WASHC1: variants seen among roughly 807,000 people sequenced by gnomAD.
WASHC1 encodes WASH complex subunit 1.
WASHC1 carries 11 observed loss-of-function variants against 26.1 expected under a neutral mutation model. That is an observed-to-expected ratio of 0.42 (90% CI 0.27 to 0.70). WASHC1 has a LOEUF of 0.70. WASHC1 is among the 30% of genes least tolerant of loss of function. The pLI, the probability that WASHC1 is intolerant of heterozygous loss-of-function variation, is 0.24. For synonymous variants in WASHC1, 37 were observed against 126.6 expected, an observed-to-expected ratio of 0.29 and a Z score of 4.75; for missense variants, 96 against 304.9, an observed-to-expected ratio of 0.31 and a Z score of 5.10.
chr9:23,613 G>A (rs1240814246), intron 2 of WASHC1, among the ~76,000 whole-genome samples: 1 of 114,406 alleles, frequency 8.7e-6, no homozygotes, highest in Non-Finnish European at 1.7e-5. Context: ...AGGGGCTCCA[G>A]GTCTGGCGAC....
At chr9:21,609 C>G (rs1371329525) in intron 2 of WASHC1, among the ~76,000 whole-genome samples, 3 of 146,998 alleles carry the variant, frequency 2.0e-5, no homozygotes, top group Non-Finnish European at 4.5e-5. Context: ...TCACAGCTCC[C>G]TAACACGCCT....
exon 11 of WASHC1, chr9:14,562 G>A (rs2130321010): frequency 3.2e-6 from 2 of 626,254 alleles, no homozygotes; most frequent in Non-Finnish European, 2.8e-6. Context: ...TTCTCTGGAA[G>A]CCTCTTAAGA....
At chr9:16,210 CT>C (rs1816310838) in intron 8 of WASHC1, 149 bp from the exon 9 acceptor site, 1 of 948,184 alleles carries the variant, frequency 1.1e-6, no homozygotes, top group Non-Finnish European at 1.5e-6. Flanking sequence ...CCTTTGGAGA[CT>C]GTGTGGGGCC....
chr9:21,432 G>A (rs1200463264), intron 2 of WASHC1, among the ~76,000 whole-genome samples: 1,430 of 111,634 alleles, frequency 0.013, no homozygotes, highest in African/African-American at 0.019. Context: ...CTCCCTGCTT[G>A]CAAGTCCCCT....
At chr9:22,039 T>A (rs1296410969) in intron 2 of WASHC1, among the ~76,000 whole-genome samples, 2 of 145,878 alleles carry the variant, frequency 1.4e-5, no homozygotes, top group Non-Finnish European at 3.0e-5. Context: ...CTTCCAGGAG[T>A]CTGCCCTATG....
intron 1 of WASHC1, among the ~76,000 whole-genome samples, chr9:25,383 AGG>A (rs1817292025): frequency 2.1e-4 from 1 of 4,772 alleles, no homozygotes. Context: ...TTGGTTGCAG[AGG>A]AAAAAAGAGG....
intron 1 of WASHC1, 116 bp downstream of exon 1, chr9:29,186 GGCGCGGCTCC>G (rs1563707155): frequency 2.4e-4 from 1 of 4,198 alleles, no homozygotes; most frequent in African/African-American, 1.7e-3. Context: ...CCGGGTGCAG[GGCGCGGCTCC>G]AGGGAGGAAG....
rs767282058 is a variant in WASHC1 at position 17,150 on chromosome 9, A to T, written c.698T>A (p.Phe233Tyr). The change falls in exon 7 of 11, where the codon TTC (phenylalanine) becomes TAC (tyrosine). Residue 233 changes from phenylalanine to tyrosine, a missense_variant. Coordinates refer to ENST00000442898, the Ensembl canonical transcript of WASHC1. ...CACCTGGCCCAGGTCTGGCACATAGAAGTAGTTCTCTGGGACCTGCAAGAT... is the reference window on the plus strand; with the variant it reads ...CACCTGGCCCAGGTCTGGCACATAGTAGTAGTTCTCTGGGACCTGCAAGAT... The T allele has an allele frequency of 5.6e-5, 72 of 1,284,378 alleles. 9 individuals are homozygous for T. The highest frequency in any genetic ancestry group is 8.0e-5 in the South Asian group (6 of 74,814). 79.6% of individuals were successfully genotyped at this position (1,284,378 alleles called of 1,614,324 possible).
chr9:14,554 C>T, exon 11 of WASHC1: 3 of 613,192 alleles, frequency 4.9e-6, no homozygotes, highest in South Asian at 3.9e-5. Flanking sequence ...GTGCCGTTTT[C>T]TCTGGAAGCC....
rs1207525555 is a variant in WASHC1 at position 14,960 on chromosome 9, T to G, written c.1265-20A>C. On this transcript the variant is annotated intron_variant, in intron 10 of 10. Coordinates refer to ENST00000442898, the Ensembl canonical transcript of WASHC1. ...AGATGCCTGGAGGGAAAAGGCTGAG[T>G]GAGGGTGGTTGGTGGGAAACCCTGG... 1.5e-6 allele frequency: 2 copies of G among 1,327,240 alleles called. No homozygotes were observed. The highest frequency in any genetic ancestry group is 2.5e-5 in the East Asian group (1 of 40,270). 82.2% of individuals were successfully genotyped at this position (1,327,240 alleles called of 1,614,324 possible).
rs1332770155 is a variant in WASHC1 at position 23,651 on chromosome 9, G to A, written c.149+1200C>T. On this transcript the variant is annotated intron_variant, in intron 2 of 10. Transcript: ENST00000442898. ...CCAGGGAAGGGACAGGGCAGGGATG[G>A]CTTGGACCACGAGAGGCACCTGAGT... 5.5e-4 allele frequency among the ~76,000 whole-genome samples: 67 copies of A among 122,368 alleles called. 2 individuals are homozygous for A. Among genetic ancestry groups the A allele is most frequent in the South Asian group, 3.0e-3 (12 of 3,938 alleles). 80.3% of individuals were successfully genotyped at this position (122,368 alleles called of 152,430 possible). A position where few individuals can be genotyped will look rare whatever the true frequency, so the allele number is the denominator to read the frequency against.
Position 17,485 on chromosome 9 carries a change from GA to G in WASHC1, c.546-7del. 2 of 657,842 alleles carry G rather than the reference GA, an allele frequency of 3.0e-6. No homozygotes were observed. Among genetic ancestry groups the G allele is most frequent in the South Asian group, 1.7e-5 (1 of 57,290 alleles). 40.8% of individuals were successfully genotyped at this position (657,842 alleles called of 1,614,324 possible). On this transcript the variant is annotated splice_region_variant and splice_polypyrimidine_tract_variant and intron_variant, in intron 5 of 10. Transcript: ENST00000442898. Reference sequence around the variant, plus strand: ...GGAAGACATACTTCTTGTACCTACGGAGGCGACATGGGGGTCAGGCAAGCTG... The same window carrying G: ...GGAAGACATACTTCTTGTACCTACGGGGCGACATGGGGGTCAGGCAAGCTG...
rs1366208608 is a variant in WASHC1 at position 14,943 on chromosome 9, G to T, written c.1265-3C>A. ...CCCAGGTCCTTTCCCAGAGATGCCT[G>T]GAGGGAAAAGGCTGAGTGAGGGTGG... On this transcript the variant is annotated splice_polypyrimidine_tract_variant and splice_region_variant and intron_variant, in intron 10 of 10. Coordinates refer to ENST00000442898, the Ensembl canonical transcript of WASHC1. 7.3e-7 allele frequency: 1 copy of T among 1,366,522 alleles called. No homozygotes were observed. Among genetic ancestry groups the T allele is most frequent in the African/African-American group, 1.9e-5 (1 of 52,972 alleles). The allele number at this position is 1,366,522 out of a possible 1,614,324, so 84.6% of individuals were successfully genotyped here.
chr9:29,816 G>A (rs1276480245), upstream of WASHC1: 6 of 271,674 alleles, frequency 2.2e-5, no homozygotes, highest in African/African-American at 1.4e-4. Context: ...CGTGTTCAAT[G>A]GGTAGAGTTT....
chr9:22,317 T>C (rs1366470739), intron 2 of WASHC1, among the ~76,000 whole-genome samples: 1 of 145,352 alleles, frequency 6.9e-6, no homozygotes, highest in Non-Finnish European at 1.5e-5. Flanking sequence ...ACAGCATTCT[T>C]TCCTGCTGGA....
intron 5 of WASHC1, 110 bp from the exon 6 acceptor site, chr9:17,589 C>CGA: frequency 1.6e-6 from 1 of 642,822 alleles, no homozygotes; most frequent in South Asian, 1.9e-5. Context: ...CCAGGCCTCC[C>CGA]GAGCCGAGCC....
chr9:17,119 C>A, exon 7 of WASHC1: 1 of 1,258,242 alleles, frequency 7.9e-7, no homozygotes, highest in Non-Finnish European at 1.0e-6. Context: ...GAACATGGAT[C>A]TCAGGCACCT....
intron 1 of WASHC1, chr9:28,664 C>T (rs546440727): frequency 1.5e-4 from 18 of 119,098 alleles, no homozygotes; most frequent in Admixed American, 7.7e-4. Context: ...CTCTTCAATG[C>T]ATTCCACAAA....
exon 7 of WASHC1, chr9:17,118 T>C (rs757678530): frequency 7.9e-7 from 1 of 1,258,112 alleles, no homozygotes; most frequent in Non-Finnish European, 1.0e-6. Flanking sequence ...GGAACATGGA[T>C]CTCAGGCACC....
Sources: gnomAD v4.1 joint callset for allele counts (sites outside exome capture counted in the v4.1 genomes callset) on GRCh38, gnomAD v4.1.1 for gene constraint, MANE v1.5 for transcripts, NCBI Gene and HGNC (gene_info 2026-07-23, HGNC 2026-07-21) for gene names.